The following ACACB variants were observed in gnomAD, a reference collection of about 807,000 sequenced individuals.
ACACB encodes the protein acetyl-CoA carboxylase beta.
In ACACB, 209 loss-of-function variants were observed where a neutral mutation model predicts 278.8. The ratio of observed to expected loss-of-function variants is 0.75; its 90% confidence interval spans 0.67 to 0.84. The LOEUF (loss-of-function observed/expected upper bound fraction) is 0.84, where lower values mean the gene tolerates loss of function less well. Among genes scored for constraint, ACACB ranks in the 40% least tolerant of loss-of-function variants. The pLI is 0.00. For missense variants in ACACB, 2,850 were observed against 3,269.0 expected (o/e 0.87, Z 3.13); for synonymous variants, 1,174 against 1,285.6 (o/e 0.91, Z 1.86).
intron 2 of ACACB, among the ~76,000 whole-genome samples, chr12:109,145,798 A>AT: frequency 6.6e-6 from 1 of 151,854 alleles, no homozygotes; most frequent in Admixed American, 6.6e-5. Flanking sequence ...CAGGAGTTTG[A>AT]GACCAGCCTG....
At chr12:109,123,167 C>A (rs1451035703) in intron 1 of ACACB, among the ~76,000 whole-genome samples, 3 of 144,894 alleles carry the variant, frequency 2.1e-5, no homozygotes, top group African/African-American at 5.2e-5. Flanking sequence ...GGCGACAGAG[C>A]GAGACTCCAT....
chr12:109,181,364 A>C (rs533637316), intron 11 of ACACB, among the ~76,000 whole-genome samples: 1 of 151,164 alleles, frequency 6.6e-6, no homozygotes, highest in African/African-American at 2.4e-5. Context: ...AGTAGTTGGG[A>C]TTACAGGTGC....
Position 109,231,506 on chromosome 12 carries a change from G to A in ACACB, c.4002-1163G>A, listed in dbSNP as rs76326955. Among the ~76,000 whole-genome samples the A allele has an allele frequency of 1.6e-3, 236 of 152,214 alleles. 6 individuals carry two copies. The East Asian group carries it at 0.043, about 28-fold the overall frequency. ...TTTGTGACCCCTGGATTGAGCTGTC[G>A]GGGAGCAGAGGGGCCATGATCGTGA... On this transcript the variant is annotated intron_variant, in intron 28 of 52. Coordinates refer to ENST00000338432, the MANE Select transcript of ACACB (RefSeq NM_001093.4).
At chr12:109,196,455 A>T (rs1033468731) in intron 16 of ACACB, among the ~76,000 whole-genome samples, 2 of 152,136 alleles carry the variant, frequency 1.3e-5, no homozygotes, top group African/African-American at 4.8e-5. Flanking sequence ...TCCTTTCGCT[A>T]TGTCCTTAGA....
chr12:109,135,203 T>C (rs919053690), intron 1 of ACACB, among the ~76,000 whole-genome samples: 3 of 152,204 alleles, frequency 2.0e-5, no homozygotes, highest in African/African-American at 7.2e-5. Flanking sequence ...CTCTTTTGGG[T>C]TATAGCCATC....
chr12:109,148,792 ATGTG>A (rs1339097917), intron 2 of ACACB, among the ~76,000 whole-genome samples: 1 of 151,824 alleles, frequency 6.6e-6, no homozygotes, highest in Non-Finnish European at 1.5e-5. Context: ...TGCCTAATAA[ATGTG>A]TGTGTGTGTA....
At chr12:109,194,506 GTGTGCA>G (rs1198741060) in intron 16 of ACACB, among the ~76,000 whole-genome samples, 9 of 72,376 alleles carry the variant, frequency 1.2e-4, no homozygotes, top group African/African-American at 3.4e-4. Context: ...CTGCCTCTGT[GTGTGCA>G]TGTGTGTGTG....
At chr12:109,219,204 G>T (rs1438109092) in intron 24 of ACACB, among the ~76,000 whole-genome samples, 2 of 150,674 alleles carry the variant, frequency 1.3e-5, no homozygotes, top group African/African-American at 4.9e-5. Context: ...ATGAATGAGG[G>T]TGGCTATGTT....
chr12:109,135,838 C>G (rs576882470), intron 1 of ACACB, among the ~76,000 whole-genome samples: 10 of 127,940 alleles, frequency 7.8e-5, no homozygotes, highest in African/African-American at 2.6e-4. Context: ...GAGACGGAGT[C>G]TTGCTCTGTC....
Position 109,266,217 on chromosome 12 carries a change from C to T in ACACB, c.7251-19C>T, listed in dbSNP as rs1039820681. 3 of 1,610,144 alleles carry T rather than the reference C, an allele frequency of 1.9e-6. No homozygotes were observed. Among genetic ancestry groups the T allele is most frequent in the East Asian group, 2.2e-5 (1 of 44,752 alleles). On this transcript the variant is annotated intron_variant, in intron 52 of 52. Transcript: ENST00000338432. ...AAGTGGCTGGAGTGATCCCAGCCCT[C>T]CTCTCACCTCCCCCACAGCCTGGTT...
In ACACB at chr12:109,163,055, G is replaced by T. The variant is rs543266127; in HGVS notation, c.654-3806G>T. ...TCTCCTGCCTCAGCCTCCCATGTAG[G>T]GGGGATTACAGGTGCACGCCACCAA... On this transcript the variant is annotated intron_variant, in intron 2 of 52. Coordinates refer to ENST00000338432, the MANE Select transcript of ACACB (RefSeq NM_001093.4). 8.5e-5 allele frequency among the ~76,000 whole-genome samples: 13 copies of T among 152,092 alleles called. No homozygotes were observed. The South Asian group carries it at 2.7e-3, about 32-fold the overall frequency.
chr12:109,191,749 G>C lies in ACACB; in HGVS notation c.2281G>C (p.Ala761Pro). The part of the protein sequence containing the change: ...IDTGWLDYLI[A>P]EKVQAEKPDI... The stretch of plus-strand genomic sequence containing the variant: ...CACCGGGTGGTTGGACTACCTCATT[G>C]CTGAGAAAGTGCAGGTAGGGAGTGA... The change falls in exon 14 of 53, where the codon GCT (alanine) becomes CCT (proline). Residue 761 changes from alanine to proline, a missense_variant. By Grantham distance (27) the Ala-to-Pro change is conservative. Coordinates refer to ENST00000338432, the MANE Select transcript of ACACB (RefSeq NM_001093.4). 6.2e-7 allele frequency: 1 copy of C among 1,614,156 alleles called. No individual in the cohort carries two copies. Among genetic ancestry groups the C allele is most frequent in the South Asian group, 1.1e-5 (1 of 91,078 alleles).
chr12:109,123,130 G>A (rs577696617), intron 1 of ACACB, among the ~76,000 whole-genome samples: 5 of 149,478 alleles, frequency 3.3e-5, no homozygotes, highest in Admixed American at 6.7e-5. Flanking sequence ...GCAGTGAGCC[G>A]AGATCGCACC....
chr12:109,267,854 A>G lies in ACACB; in HGVS notation c.*1492A>G, dbSNP rs902331360. The G allele has an allele frequency of 2.6e-5, 4 of 152,302 alleles. No homozygotes were observed. Among genetic ancestry groups the G allele is most frequent in the African/African-American group, 9.7e-5 (4 of 41,450 alleles). 9.4% of individuals were successfully genotyped at this position (152,302 alleles called of 1,614,324 possible). On this transcript the variant is annotated 3_prime_UTR_variant, in exon 53 of 53. Coordinates refer to ENST00000338432, the MANE Select transcript of ACACB (RefSeq NM_001093.4). ...ACTGCTCTGATGGGTGGTTTGTCCA[A>G]GGATGCTGAATGTAATGCCTGGTCA...
At chr12:109,198,621 A>C (rs1218860815) in intron 17 of ACACB, among the ~76,000 whole-genome samples, 1 of 151,912 alleles carries the variant, frequency 6.6e-6, no homozygotes, top group South Asian at 2.1e-4. Flanking sequence ...ACCTGACCCC[A>C]GGGAGGTCAA....
At chr12:109,226,953 T>G (rs1593633805) in intron 27 of ACACB, among the ~76,000 whole-genome samples, 1 of 141,190 alleles carries the variant, frequency 7.1e-6, no homozygotes, top group South Asian at 2.2e-4. Flanking sequence ...TTAGAAATCT[T>G]TTTTTTTTTT....
chr12:109,198,721 A>G (rs1396310491), intron 17 of ACACB, among the ~76,000 whole-genome samples: 1 of 152,014 alleles, frequency 6.6e-6, no homozygotes. Flanking sequence ...CCTGGGCTCA[A>G]AGGATTCTCC....
chr12:109,134,692 G>A (rs2042926271), intron 1 of ACACB, among the ~76,000 whole-genome samples: 1 of 152,188 alleles, frequency 6.6e-6, no homozygotes, highest in African/African-American at 2.4e-5. Flanking sequence ...GAGACGGGAA[G>A]GCAAGGACTA....
chr12:109,181,098 G>C (rs1384198780), intron 11 of ACACB, among the ~76,000 whole-genome samples: 2 of 151,512 alleles, frequency 1.3e-5, no homozygotes, highest in African/African-American at 4.9e-5. Flanking sequence ...TTCTCTGCCT[G>C]GTTTATTTCA....
Sources: gnomAD v4.1 joint callset for allele counts (sites outside exome capture counted in the v4.1 genomes callset) on GRCh38, gnomAD v4.1.1 for gene constraint, MANE v1.5 for transcripts, NCBI Gene and HGNC (gene_info 2026-07-23, HGNC 2026-07-21) for gene names.